The following GNB5 variants were observed in gnomAD, a reference collection of about 807,000 sequenced individuals.
The protein encoded by GNB5 is guanine nucleotide-binding protein subunit beta-5.
In GNB5, 37 loss-of-function variants were observed where a neutral mutation model predicts 55.3. That is an observed-to-expected ratio of 0.67 (90% CI 0.51 to 0.88). The LOEUF is 0.88. Ranked by LOEUF, GNB5 falls within the 40% of genes least tolerant of loss-of-function variation. The probability of loss-of-function intolerance (pLI) is 0.00; values close to 1 mark genes in which losing one functional copy is unlikely to be tolerated. For missense variants in GNB5, 476 were observed against 515.3 expected, an observed-to-expected ratio of 0.92 and a Z score of 0.74; for synonymous variants, 219 against 198.5, an observed-to-expected ratio of 1.10 and a Z score of -0.87.
intron 3 of GNB5, among the ~76,000 whole-genome samples, chr15:52,161,629 G>A (rs1440825813): frequency 6.6e-6 from 1 of 152,198 alleles, no homozygotes; most frequent in Non-Finnish European, 1.5e-5. Context: ...CAGATCAATG[G>A]GTCACAGAGC....
chr15:52,162,313 GTTAT>G (rs928603187), intron 3 of GNB5, among the ~76,000 whole-genome samples: 8 of 152,154 alleles, frequency 5.3e-5, no homozygotes, highest in African/African-American at 1.9e-4. Context: ...GAATACTTTT[GTTAT>G]TTATTTTATA....
At chr15:52,154,268 G>C (rs1596082153) in intron 3 of GNB5, among the ~76,000 whole-genome samples, 192 bp from the exon 4 acceptor site, 1 of 152,178 alleles carries the variant, frequency 6.6e-6, no homozygotes, top group African/African-American at 2.4e-5. Flanking sequence ...ATCAGTAGAG[G>C]GTAGAGACAA....
chr15:52,163,567 G>A (rs2141225028), intron 3 of GNB5, among the ~76,000 whole-genome samples: 1 of 152,336 alleles, frequency 6.6e-6, no homozygotes, highest in South Asian at 2.1e-4. Context: ...GGGAGTCAGG[G>A]TGGTCCAAAC....
At chr15:52,168,471 CACAA>C (rs2034493302) in intron 3 of GNB5, among the ~76,000 whole-genome samples, 2 of 152,186 alleles carry the variant, frequency 1.3e-5, no homozygotes, top group African/African-American at 2.4e-5. Flanking sequence ...TCAGAGAGGG[CACAA>C]ACAAATGGAA....
At chr15:52,128,352 G>A in intron 9 of GNB5, 108 bp from the exon 10 acceptor site, 2 of 755,252 alleles carry the variant, frequency 2.6e-6, no homozygotes. Flanking sequence ...GGGACTCAAG[G>A]AACATTTGCA....
At chr15:52,170,961 G>A (rs1385628484) in intron 3 of GNB5, among the ~76,000 whole-genome samples, 1 of 151,804 alleles carries the variant, frequency 6.6e-6, no homozygotes, top group East Asian at 1.9e-4. Context: ...AGGCATGGTG[G>A]TGTGCGACTA....
intron 9 of GNB5, 74 bp downstream of exon 9, chr15:52,133,304 C>T: frequency 3.0e-6 from 3 of 1,016,878 alleles, no homozygotes; most frequent in South Asian, 2.7e-5. Flanking sequence ...GGAGGCGGTT[C>T]CTGGGCTAAG....
intron 7 of GNB5, chr15:52,139,663 A>G: frequency 2.4e-6 from 1 of 408,246 alleles, no homozygotes; most frequent in Non-Finnish European, 4.1e-6. Flanking sequence ...GCTAGAACAC[A>G]GCGGAGCCAA....
chr15:52,157,442 C>T (rs555338723), intron 3 of GNB5, among the ~76,000 whole-genome samples: 1 of 151,442 alleles, frequency 6.6e-6, no homozygotes, highest in East Asian at 1.9e-4. Flanking sequence ...AGACAGGTTT[C>T]ACCATGTTGG....
At chr15:52,179,055 C>T (rs540408364) in intron 3 of GNB5, among the ~76,000 whole-genome samples, 1 of 152,380 alleles carries the variant, frequency 6.6e-6, no homozygotes, top group East Asian at 1.9e-4. Flanking sequence ...TAATCGCTCA[C>T]TCATAAAAAT....
At chr15:52,134,383 A>G (rs2033648871) in intron 8 of GNB5, among the ~76,000 whole-genome samples, 1 of 152,210 alleles carries the variant, frequency 6.6e-6, no homozygotes, top group Non-Finnish European at 1.5e-5. Context: ...ACCATCACAC[A>G]TCTGAGGAAG....
At chr15:52,179,267 G>T (rs778454565) in intron 3 of GNB5, among the ~76,000 whole-genome samples, 21 of 152,140 alleles carry the variant, frequency 1.4e-4, no homozygotes, top group Non-Finnish European at 2.4e-4. Flanking sequence ...TAGGGGAGAG[G>T]TTGGAAAAAT....
At chr15:52,129,677 C>T (rs916320704) in intron 9 of GNB5, among the ~76,000 whole-genome samples, 3 of 152,170 alleles carry the variant, frequency 2.0e-5, no homozygotes, top group African/African-American at 7.2e-5. Context: ...CCAGGTAATA[C>T]ATAGATTATC....
chr15:52,178,512 C>G (rs763178111), intron 3 of GNB5, among the ~76,000 whole-genome samples: 5 of 152,196 alleles, frequency 3.3e-5, no homozygotes, highest in Non-Finnish European at 7.3e-5. Flanking sequence ...AGAAGAAAGG[C>G]AGAAGGAGCC....
At chr15:52,146,192 C>T (rs541950506) in intron 6 of GNB5, among the ~76,000 whole-genome samples, 96 of 152,194 alleles carry the variant, frequency 6.3e-4, no homozygotes, top group African/African-American at 2.0e-3. Context: ...CTCCTGACCT[C>T]GTGATCTGCC....
chr15:52,179,823 G>C lies in GNB5; in HGVS notation c.183C>G (p.Ala61=). The change falls in exon 3 of 13, where the codon GCC becomes GCG. Residue 61 remains alanine, a synonymous_variant. Transcript: ENST00000261837. ...NETLASLKSE[A]ESLKGKLEEE... is the part of the protein sequence containing the mutation. ...CCTCCAGCTTGCCCTTGAGGCTCTC[G>C]GCCTCGCTCTTCAGCGACGCCAGCG... The C allele has an allele frequency of 6.4e-7, 1 of 1,553,632 alleles. No homozygotes were observed.
At chr15:52,161,838 G>T (rs1299102602) in intron 3 of GNB5, among the ~76,000 whole-genome samples, 1 of 152,244 alleles carries the variant, frequency 6.6e-6, no homozygotes, top group Non-Finnish European at 1.5e-5. Context: ...ATGGCACTTA[G>T]AGTTGGATAA....
intron 11 of GNB5, chr15:52,125,252 C>A (rs1327884393): frequency 6.6e-6 from 1 of 152,506 alleles, no homozygotes; most frequent in South Asian, 2.1e-4. Flanking sequence ...CACAAAGGAG[C>A]CATGAGCTTC....
chr15:52,135,513 AG>A (rs1400167542), intron 8 of GNB5, 99 bp downstream of exon 8: 3 of 1,023,506 alleles, frequency 2.9e-6, no homozygotes, highest in Admixed American at 2.2e-5. Flanking sequence ...AGCCCCTTCT[AG>A]GGAAGTGCCT....
Sources: allele counts gnomAD v4.1 joint callset (sites outside exome capture counted in the v4.1 genomes callset), GRCh38; gene constraint gnomAD v4.1.1; transcripts MANE v1.5; gene names NCBI Gene and HGNC (gene_info 2026-07-23, HGNC 2026-07-21).